The following PPM1L variants were observed in gnomAD, a reference collection of about 807,000 sequenced individuals.
PPM1L encodes the protein protein phosphatase, Mg2+/Mn2+ dependent 1L.
A neutral mutation model predicts 31.4 loss-of-function variants in PPM1L; 13 were observed. The ratio of observed to expected loss-of-function variants is 0.41; its 90% CI spans 0.27 to 0.66. PPM1L has a LOEUF of 0.66. Ranked by LOEUF, PPM1L falls within the 30% of genes least tolerant of loss-of-function variation. The pLI, the probability that PPM1L is intolerant of heterozygous loss-of-function variation, is 0.29. For missense variants in PPM1L, 326 were observed against 453.7 expected (o/e 0.72, Z 2.56); for synonymous variants, 184 against 175.4 (o/e 1.05, Z -0.39).
intron 1 of PPM1L, among the ~76,000 whole-genome samples, chr3:160,815,606 A>G (rs1712969612): frequency 6.6e-6 from 1 of 152,192 alleles, no homozygotes; most frequent in Admixed American, 6.6e-5. Context: ...GGAAGGTTCA[A>G]ATTGTCTATA....
intron 2 of PPM1L, among the ~76,000 whole-genome samples, chr3:160,963,834 G>C (rs1217915527): frequency 6.6e-6 from 1 of 152,018 alleles, no homozygotes; most frequent in East Asian, 1.9e-4. Context: ...ATGGCTTTTA[G>C]GGGCAAATAG....
At chr3:160,927,945 C>T (rs946006921) in intron 1 of PPM1L, among the ~76,000 whole-genome samples, 1 of 152,100 alleles carries the variant, frequency 6.6e-6, no homozygotes, top group Non-Finnish European at 1.5e-5. Flanking sequence ...ATGAATGACT[C>T]CAGATCATAC....
intron 1 of PPM1L, among the ~76,000 whole-genome samples, chr3:160,759,403 C>T (rs1217594391): frequency 6.6e-6 from 1 of 152,140 alleles, no homozygotes; most frequent in Non-Finnish European, 1.5e-5. Context: ...CTGTGTATAT[C>T]AATTTCATCC....
At chr3:160,889,378 A>T (rs1257765761) in intron 1 of PPM1L, among the ~76,000 whole-genome samples, 1 of 152,152 alleles carries the variant, frequency 6.6e-6, no homozygotes. Flanking sequence ...ACACCTCTAC[A>T]CAAATAAACT....
In PPM1L at chr3:160,945,039, C is replaced by T. The variant is rs1356273353; in HGVS notation, c.400-16697C>T. Among the ~76,000 whole-genome samples, 4 of 16,158 alleles carry T rather than the reference C, an allele frequency of 2.5e-4. No homozygotes were observed. In the East Asian group the frequency reaches 3.4e-3, roughly 14 times the overall value. 10.6% of individuals were successfully genotyped at this position (16,158 alleles called of 152,430 possible). ...ATATATTATATATAACTATATATAACATATATATTATATATAACTATATAT... is the reference window on the plus strand; with the variant it reads ...ATATATTATATATAACTATATATAATATATATATTATATATAACTATATAT... On this transcript the variant is annotated intron_variant, in intron 1 of 3. Coordinates refer to ENST00000498165, the MANE Select transcript of PPM1L (RefSeq NM_139245.4).
At chr3:161,016,846 A>G (rs73875443) in intron 2 of PPM1L, among the ~76,000 whole-genome samples, 2,420 of 152,272 alleles carry the variant, frequency 0.016, 25 homozygotes, top group Admixed American at 0.026. Context: ...TGAGAGATTA[A>G]CCAGTGAATA....
chr3:160,826,628 G>A (rs1713363298), intron 1 of PPM1L, among the ~76,000 whole-genome samples: 2 of 152,108 alleles, frequency 1.3e-5, no homozygotes, highest in Admixed American at 6.5e-5. Flanking sequence ...TGATTTTGGA[G>A]TAGGGAGTGA....
chr3:160,919,444 A>G (rs1290088214), intron 1 of PPM1L, among the ~76,000 whole-genome samples: 3 of 152,180 alleles, frequency 2.0e-5, no homozygotes, highest in East Asian at 1.9e-4. Context: ...TTAATAACCA[A>G]TGGGCATTAT....
At chr3:160,831,795 TC>T (rs1560119450) in intron 1 of PPM1L, among the ~76,000 whole-genome samples, 1 of 152,054 alleles carries the variant, frequency 6.6e-6, no homozygotes, top group Admixed American at 6.5e-5. Context: ...TAAGGAATCT[TC>T]AGCTCTCTGA....
chr3:160,848,704 T>C (rs1308748745), intron 1 of PPM1L, among the ~76,000 whole-genome samples: 2 of 152,242 alleles, frequency 1.3e-5, no homozygotes, highest in African/African-American at 4.8e-5. Flanking sequence ...TTCTCATCTC[T>C]GCAGCTGCCT....
chr3:161,068,741 C>A, intron 3 of PPM1L, 70 bp from the exon 4 acceptor site: 1 of 1,328,258 alleles, frequency 7.5e-7, no homozygotes, highest in Non-Finnish European at 1.0e-6. Flanking sequence ...CTGTTGCGCA[C>A]GTACCTAGAC....
At chr3:160,890,278 A>G (rs1713090342) in intron 1 of PPM1L, among the ~76,000 whole-genome samples, 1 of 152,212 alleles carries the variant, frequency 6.6e-6, no homozygotes, top group Non-Finnish European at 1.5e-5. Context: ...TTTAGCTTAT[A>G]CGCAACTTCA....
Position 160,760,684 on chromosome 3 carries a change from G to A in PPM1L, c.399+3977G>A, listed in dbSNP as rs185278096. On this transcript the variant is annotated intron_variant, in intron 1 of 3. Transcript: ENST00000498165. Reference sequence around the variant, plus strand: ...AAAATCATTGTTTTTGTGCTTACTTGTAATTTTTATCTACAGGCAAAAGGT... The same window carrying A: ...AAAATCATTGTTTTTGTGCTTACTTATAATTTTTATCTACAGGCAAAAGGT... 6.7e-5 allele frequency among the ~76,000 whole-genome samples: 10 copies of A among 149,334 alleles called. No individual in the cohort carries two copies. In the East Asian group the frequency reaches 2.0e-3, roughly 29 times the overall value.
rs527522470 is a variant in PPM1L, at chr3:161,001,430, G to C, written c.574+39520G>C. Among the ~76,000 whole-genome samples, 5 of 152,116 alleles carry C rather than the reference G, an allele frequency of 3.3e-5. No homozygotes were observed. The East Asian group carries it at 7.7e-4, about 24-fold the overall frequency. On this transcript the variant is annotated intron_variant, in intron 2 of 3. Transcript: ENST00000498165. The stretch of plus-strand genomic sequence containing the variant: ...CCCGAGTAGTTGGGACTACAGGTGT[G>C]TGCCACCATGCCCAGCTAATTTTTG...
intron 1 of PPM1L, among the ~76,000 whole-genome samples, chr3:160,849,652 C>T (rs1257272052): frequency 6.6e-6 from 1 of 150,932 alleles, no homozygotes; most frequent in African/African-American, 2.4e-5. Flanking sequence ...TCTCGATCTC[C>T]TGACCTTGTG....
rs114504827 is a variant in PPM1L, at chr3:160,856,339, C to T, written c.399+99632C>T. Among the ~76,000 whole-genome samples, 149 of 152,152 alleles carry T rather than the reference C, an allele frequency of 9.8e-4. 2 individuals are homozygous for T. Among genetic ancestry groups the T allele is most frequent in the African/African-American group, 3.1e-3 (129 of 41,510 alleles). On this transcript the variant is annotated intron_variant, in intron 1 of 3. Coordinates refer to ENST00000498165, the MANE Select transcript of PPM1L (RefSeq NM_139245.4). ...TAAACCCAAAGGAATATAAACCGTT[C>T]GAAGATACATGCATTCATATGTTAA...
chr3:160,960,232 C>G (rs1715907669), intron 1 of PPM1L, among the ~76,000 whole-genome samples: 1 of 151,954 alleles, frequency 6.6e-6, no homozygotes. Context: ...ATTTTAAAAA[C>G]TGATACATTG....
At position 160,944,971 on chromosome 3, in the gene PPM1L, TATATATAACTATATATA is replaced by T. The variant is rs1266415587; in HGVS notation, c.400-16763_400-16747del. ...CTATATATAACTATATAACATATAT[TATATATAACTATATATA>T]ACATATATATAACTATATATAACAT... is the stretch of plus-strand genomic sequence containing the variant. On this transcript the variant is annotated intron_variant, in intron 1 of 3. Transcript: ENST00000498165. 1.8e-3 allele frequency among the ~76,000 whole-genome samples: 98 copies of T among 54,844 alleles called. 10 individuals carry two copies. The highest frequency in any genetic ancestry group is 4.4e-3 in the South Asian group (10 of 2,292). 36.0% of individuals were successfully genotyped at this position (54,844 alleles called of 152,430 possible). A position where few individuals can be genotyped will look rare whatever the true frequency, so the allele number is the denominator to read the frequency against.
intron 1 of PPM1L, among the ~76,000 whole-genome samples, chr3:160,872,464 A>G (rs886461599): frequency 2.0e-5 from 3 of 152,304 alleles, no homozygotes; most frequent in African/African-American, 7.2e-5. Context: ...CAAGACAAAC[A>G]TGTCAGGTCC....
Sources: allele counts gnomAD v4.1 joint callset (sites outside exome capture counted in the v4.1 genomes callset), GRCh38; gene constraint gnomAD v4.1.1; transcripts MANE v1.5; gene names NCBI Gene and HGNC (gene_info 2026-07-23, HGNC 2026-07-21).